Variants in TERT observed in about 807,000 individuals in gnomAD.
TERT encodes the protein telomerase reverse transcriptase.
In TERT, 42 loss-of-function variants were observed where a neutral mutation model predicts 104.0. That is an observed-to-expected ratio of 0.40 (90% CI 0.32 to 0.52). The LOEUF (loss-of-function observed/expected upper bound fraction) is 0.52. Ranked by LOEUF, TERT falls within the 20% of genes least tolerant of loss-of-function variation. The pLI is 0.43. For missense variants in TERT, 1,101 were observed against 1,610.3 expected, an observed-to-expected ratio of 0.68 and a Z score of 5.41; for synonymous variants, 781 against 725.6, an observed-to-expected ratio of 1.08 and a Z score of -1.23.
chr5:1,269,408 G>A lies in TERT; in HGVS notation c.2469-775C>T, dbSNP rs553360602. Among the ~76,000 whole-genome samples the A allele has an allele frequency of 1.6e-4, 25 of 152,060 alleles. No homozygotes were observed. Among genetic ancestry groups the A allele is most frequent in the Admixed American group, 1.6e-3 (24 of 15,268 alleles). ...GTGGATCACCTGAGGTCAGGAGTTC[G>A]AGACCAGCCTGGCCAACATGGCAAA... On this transcript the variant is annotated intron_variant, in intron 8 of 15. Transcript: ENST00000310581. The surrounding 1 kb of genome is among the most constrained non-coding windows in gnomAD (Gnocchi z 9.0).
Position 1,274,270 on chromosome 5 carries a change from C to T in TERT, c.2287-1990G>A, listed in dbSNP as rs1749377582. Among the ~76,000 whole-genome samples, 1 of 152,224 alleles carries T rather than the reference C, an allele frequency of 6.6e-6. No homozygotes were observed. The highest frequency in any genetic ancestry group is 1.5e-5 in the Non-Finnish European group (1 of 68,050). The stretch of plus-strand genomic sequence containing the variant: ...AACAGGAAGGTACATGGGGCCTGCA[C>T]CCTTCCCAACCCAGGAGCAGGCAAC... On this transcript the variant is annotated intron_variant, in intron 6 of 15. Transcript: ENST00000310581. The surrounding 1 kb of genome is among the most constrained non-coding windows in gnomAD (Gnocchi z 5.3).
chr5:1,293,448 A>C lies in TERT; in HGVS notation c.1438T>G (p.Ser480Ala). The stretch of plus-strand genomic sequence containing the variant: ...AGGAAGCGGCGTTCGTTGTGCCTGG[A>C]GCCCCAGAGGCCTGGGGGCACCAGC... ...RRLVPPGLWG[S>A]RHNERRFLRN... The change falls in exon 2 of 16, where the codon TCC becomes GCC. Residue 480 changes from serine (S) to alanine (A), a missense_variant. By Grantham distance (99) the Ser-to-Ala change is moderately conservative. Transcript: ENST00000310581. The C allele has an allele frequency of 6.2e-7, 1 of 1,611,202 alleles. No homozygotes were observed. The highest frequency in any genetic ancestry group is 8.5e-7 in the Non-Finnish European group (1 of 1,179,350).
At chr5:1,278,547 C>G (rs1036242903) in intron 6 of TERT, 94 bp downstream of exon 6, 6 of 1,560,108 alleles carry the variant, frequency 3.8e-6, no homozygotes, top group Non-Finnish European at 5.3e-6. Flanking sequence ...AGTACCTCCA[C>G]CACAGAAACG....
At chr5:1,282,282 T>C (rs1750072279) in intron 3 of TERT, 147 bp downstream of exon 3, 1 of 783,616 alleles carries the variant, frequency 1.3e-6, no homozygotes. Context: ...AGAATCCACT[T>C]GGACCAGGCC....
At chr5:1,272,335 T>C (rs1749107890) in intron 6 of TERT, 55 bp from the exon 7 acceptor site, 1 of 1,450,316 alleles carries the variant, frequency 6.9e-7, no homozygotes, top group East Asian at 2.4e-5. Flanking sequence ...CGGCCAGAGC[T>C]GGGCACTTGT....
At position 1,268,688 on chromosome 5, in the gene TERT, A is replaced by G. The variant is rs571126114; in HGVS notation, c.2469-55T>C. On this transcript the variant is annotated intron_variant, in intron 8 of 15. Coordinates refer to ENST00000310581, the MANE Select transcript of TERT (RefSeq NM_198253.3). The surrounding 1 kb of genome is among the most constrained non-coding windows in gnomAD (Gnocchi z 5.5). ...GGCAGGGCATGTGCTGGACATGCGT[A>G]CACTCAAACCGAGCCACACACAGAC... 1.7e-5 allele frequency: 21 copies of G among 1,260,252 alleles called. No individual in the cohort carries two copies. In the East Asian group the frequency reaches 5.0e-4, roughly 30 times the overall value. The allele number at this position is 1,260,252 out of a possible 1,614,324, so 78.1% of individuals were successfully genotyped here. A position where few individuals can be genotyped will look rare whatever the true frequency, so the allele number is the denominator to read the frequency against.
chr5:1,276,038 C>T lies in TERT; in HGVS notation c.2286+2603G>A, dbSNP rs374729433. Among the ~76,000 whole-genome samples, 150 of 145,528 alleles carry T rather than the reference C, an allele frequency of 1.0e-3. 3 individuals carry two copies. The East Asian group carries it at 0.03, about 29-fold the overall frequency. ...ACACATGAAAACCAATCCCACAGATCCCCACCTACCCCACACATGAAAACC... is the reference window on the plus strand; with the variant it reads ...ACACATGAAAACCAATCCCACAGATTCCCACCTACCCCACACATGAAAACC... On this transcript the variant is annotated intron_variant, in intron 6 of 15. Coordinates refer to ENST00000310581, the MANE Select transcript of TERT (RefSeq NM_198253.3).
At chr5:1,260,849 C>T (rs1009814264) in intron 11 of TERT, among the ~76,000 whole-genome samples, 2 of 152,230 alleles carry the variant, frequency 1.3e-5, no homozygotes, top group African/African-American at 4.8e-5. Flanking sequence ...CCTCGCACGG[C>T]CGTGTTTGTG....
rs1747692707 is a variant in TERT at position 1,255,864 on chromosome 5, C to G, written c.3033-453G>C. Reference sequence around the variant, plus strand: ...GTCCTGCGCATCCCTTCTGAGCCACCCGCCCCTGTGGTGCATAAACCCTGG... The same window carrying G: ...GTCCTGCGCATCCCTTCTGAGCCACGCGCCCCTGTGGTGCATAAACCCTGG... On this transcript the variant is annotated intron_variant, in intron 13 of 15. Coordinates refer to ENST00000310581, the MANE Select transcript of TERT (RefSeq NM_198253.3). This position sits in a 1 kb window ranked among gnomAD's most constrained non-coding sequence, Gnocchi z 6.9. Among the ~76,000 whole-genome samples, 1 of 152,102 alleles carries G rather than the reference C, an allele frequency of 6.6e-6. No individual in the cohort carries two copies. Among genetic ancestry groups the G allele is most frequent in the African/African-American group, 2.4e-5 (1 of 41,394 alleles).
Position 1,255,554 on chromosome 5 carries a change from G to T in TERT, c.3033-143C>A. ...CTCATGGGCACAGGTGCACACACAC[G>T]GATGCATGCATGCATGTCTGTGTGT... On this transcript the variant is annotated intron_variant, in intron 13 of 15. Transcript: ENST00000310581. This position sits in a 1 kb window ranked among gnomAD's most constrained non-coding sequence, Gnocchi z 6.9. 1 of 996,870 alleles carries T rather than the reference G, an allele frequency of 1.0e-6. No individual in the cohort carries two copies. The highest frequency in any genetic ancestry group is 1.5e-6 in the Non-Finnish European group (1 of 645,282). 61.8% of individuals were successfully genotyped at this position (996,870 alleles called of 1,614,324 possible).
intron 2 of TERT, among the ~76,000 whole-genome samples, chr5:1,291,689 C>G (rs1266283613): frequency 6.8e-6 from 1 of 146,856 alleles, no homozygotes; most frequent in African/African-American, 2.5e-5. Context: ...CCGGGGGCCG[C>G]GCCTCACTCA....
chr5:1,253,852 T>C (rs1386876802), intron 15 of TERT, 21 bp from the exon 16 acceptor site: 2 of 1,598,310 alleles, frequency 1.3e-6, no homozygotes, highest in Admixed American at 1.8e-5. Context: ...AAAATCAGAC[T>C]CCGTTCCAGA....
Position 1,253,636 on chromosome 5 carries a change from G to T in TERT, c.*92C>A. 1.8e-6 allele frequency: 2 copies of T among 1,103,500 alleles called. No homozygotes were observed. Among genetic ancestry groups the T allele is most frequent in the Non-Finnish European group, 2.7e-6 (2 of 744,134 alleles). The allele number at this position is 1,103,500 out of a possible 1,614,324, so 68.4% of individuals were successfully genotyped here. ...TCAGACTCCCAGCGGTGCGGGCCTG[G>T]GTGTGGGCCGCCCCTCCCTCCCTGG... is the stretch of plus-strand genomic sequence containing the variant. On this transcript the variant is annotated 3_prime_UTR_variant, in exon 16 of 16. Transcript: ENST00000310581.
chr5:1,279,243 C>G (rs369619289), intron 5 of TERT, 48 bp downstream of exon 5: 10 of 1,537,670 alleles, frequency 6.5e-6, no homozygotes, highest in Non-Finnish European at 8.8e-6. Flanking sequence ...ATCAGGCAGC[C>G]ACTCCCAAGG....
At chr5:1,282,682 G>T in intron 2 of TERT, 58 bp from the exon 3 acceptor site, 1 of 1,567,442 alleles carries the variant, frequency 6.4e-7, no homozygotes, top group South Asian at 1.1e-5. Context: ...ACCTCACCCC[G>T]GACCTGCACC....
intron 6 of TERT, among the ~76,000 whole-genome samples, chr5:1,277,613 G>GC (rs1005220371): frequency 3.4e-5 from 5 of 146,958 alleles, no homozygotes; most frequent in African/African-American, 1.2e-4. Context: ...TGTGGGGGGG[G>GC]GTCTCCTGGG....
intron 2 of TERT, 54 bp from the exon 3 acceptor site, chr5:1,282,678 C>G (rs1340938172): frequency 1.3e-5 from 21 of 1,582,090 alleles, no homozygotes; most frequent in Middle Eastern, 1.9e-4. Flanking sequence ...GGTGACCTCA[C>G]CCCGGACCTG....
Position 1,287,834 on chromosome 5 carries a change from G to C in TERT, c.1574-5210C>G, listed in dbSNP as rs1200781319. On this transcript the variant is annotated intron_variant, in intron 2 of 15. Coordinates refer to ENST00000310581, the MANE Select transcript of TERT (RefSeq NM_198253.3). The surrounding 1 kb of genome is among the most constrained non-coding windows in gnomAD (Gnocchi z 4.3). ...CTTTGCACTGGACCTTAATAAGCTG[G>C]ATATAGTGAACATGCATGCCCACTA... 6.6e-6 allele frequency among the ~76,000 whole-genome samples: 1 copy of C among 151,812 alleles called. No homozygotes were observed. The highest frequency in any genetic ancestry group is 1.5e-5 in the Non-Finnish European group (1 of 67,990).
rs929642120 is a variant in TERT at position 1,261,339 on chromosome 5, A to G, written c.2844-739T>C. On this transcript the variant is annotated intron_variant, in intron 11 of 15. Transcript: ENST00000310581. This position sits in a 1 kb window ranked among gnomAD's most constrained non-coding sequence, Gnocchi z 7.4. The stretch of plus-strand genomic sequence containing the variant: ...GGCAGAGCAAGTTTTGTGATGCATA[A>G]TATCTCCTTAGCCCTGTATTTGGGC... Among the ~76,000 whole-genome samples the G allele has an allele frequency of 2.6e-5, 4 of 152,194 alleles. No homozygotes were observed. Among genetic ancestry groups the G allele is most frequent in the African/African-American group, 7.2e-5 (3 of 41,448 alleles).
Sources: gnomAD v4.1 joint callset for allele counts (sites outside exome capture counted in the v4.1 genomes callset) on GRCh38, gnomAD v4.1.1 for gene constraint, Gnocchi (gnomAD v3.1) non-coding constraint, MANE v1.5 for transcripts, NCBI Gene and HGNC (gene_info 2026-07-23, HGNC 2026-07-21) for gene names.